The following HECTD2 variants were observed in gnomAD, a reference collection of about 807,000 sequenced individuals.
The protein encoded by HECTD2 is probable E3 ubiquitin-protein ligase HECTD2.
In HECTD2, 35 loss-of-function variants were observed where a neutral mutation model predicts 103.2. That is an observed-to-expected ratio of 0.34 (90% CI 0.26 to 0.45). The LOEUF (loss-of-function observed/expected upper bound fraction) is 0.45, where lower values mean the gene tolerates loss of function less well. Among genes scored for constraint, HECTD2 ranks in the 20% least tolerant of loss-of-function variants. The pLI, the probability that HECTD2 is intolerant of heterozygous loss-of-function variation, is 1.00. For missense variants in HECTD2, 596 were observed against 937.4 expected (o/e 0.64, Z 4.76); for synonymous variants, 281 against 329.9 (o/e 0.85, Z 1.61).
intron 2 of HECTD2, among the ~76,000 whole-genome samples, chr10:91,456,578 T>C (rs888591132): frequency 6.6e-6 from 1 of 152,170 alleles, no homozygotes; most frequent in African/African-American, 2.4e-5. Context: ...TTCTTTCTCC[T>C]GCCTGATTGC....
At position 91,513,488 on chromosome 10, in the gene HECTD2, A is replaced by ATAAT. The variant is rs1847503714; in HGVS notation, c.*1105_*1108dup. On this transcript the variant is annotated 3_prime_UTR_variant, in exon 21 of 21. Coordinates refer to ENST00000298068, the MANE Select transcript of HECTD2 (RefSeq NM_182765.6). ...GTTTGTTTTTCACTGGATTCTGAAT[A>ATAAT]TAATAAATTCAAAGTACCCTTTTTT... is the stretch of plus-strand genomic sequence containing the variant. The ATAAT allele has an allele frequency of 6.6e-6, 1 of 152,632 alleles. No individual in the cohort carries two copies. The highest frequency in any genetic ancestry group is 1.5e-5 in the Non-Finnish European group (1 of 68,036). 9.5% of individuals were successfully genotyped at this position (152,632 alleles called of 1,614,324 possible).
At chr10:91,497,164 C>T (rs1384343449) in intron 15 of HECTD2, among the ~76,000 whole-genome samples, 10 of 111,580 alleles carry the variant, frequency 9.0e-5, no homozygotes, top group Admixed American at 4.2e-4. Context: ...TTAGCAGAGA[C>T]GGGGTTTTGC....
intron 15 of HECTD2, 34 bp from the exon 16 acceptor site, chr10:91,498,074 A>G (rs761177607): frequency 1.4e-6 from 2 of 1,417,658 alleles, no homozygotes; most frequent in Non-Finnish European, 2.0e-6. Context: ...ATGCTATTCT[A>G]TTGAAAAAAT....
At chr10:91,485,363 T>A in intron 10 of HECTD2, 60 bp downstream of exon 10, 1 of 1,317,676 alleles carries the variant, frequency 7.6e-7, no homozygotes, top group Non-Finnish European at 1.0e-6. Flanking sequence ...AAAGAATGAC[T>A]AGAGTTTAAG....
At chr10:91,470,838 G>T (rs1845698666) in intron 5 of HECTD2, among the ~76,000 whole-genome samples, 1 of 151,998 alleles carries the variant, frequency 6.6e-6, no homozygotes, top group Admixed American at 6.5e-5. Context: ...ATTCACGGCC[G>T]AATTCTACCA....
At chr10:91,482,282 A>G (rs1846115888) in intron 7 of HECTD2, among the ~76,000 whole-genome samples, 1 of 152,004 alleles carries the variant, frequency 6.6e-6, no homozygotes, top group South Asian at 2.1e-4. Context: ...GTTTTTTTCA[A>G]TAATATTTAT....
intron 1 of HECTD2, among the ~76,000 whole-genome samples, chr10:91,414,413 C>T (rs1394386557): frequency 6.6e-6 from 1 of 152,132 alleles, no homozygotes; most frequent in African/African-American, 2.4e-5. Context: ...GATGGAGTCC[C>T]TGGGACAAAA....
intron 2 of HECTD2, among the ~76,000 whole-genome samples, chr10:91,454,299 G>C (rs1367133865): frequency 6.6e-6 from 1 of 152,074 alleles, no homozygotes; most frequent in East Asian, 1.9e-4. Context: ...AAATTTTGAA[G>C]AATTGAGATA....
intron 14 of HECTD2, among the ~76,000 whole-genome samples, chr10:91,495,901 A>C (rs941242515): frequency 1.3e-5 from 2 of 152,146 alleles, no homozygotes; most frequent in Non-Finnish European, 2.9e-5. Flanking sequence ...AAATTTAGAA[A>C]ATGTTTTCTG....
At chr10:91,463,725 T>C (rs906313601) in intron 5 of HECTD2, 2 of 152,182 alleles carry the variant, frequency 1.3e-5, no homozygotes, top group Non-Finnish European at 2.9e-5. Context: ...TCCTTTGTCA[T>C]TGGAGAAATG....
Position 91,436,721 on chromosome 10 carries a change from C to T in HECTD2, c.268+11311C>T, listed in dbSNP as rs181198298. 1.1e-3 allele frequency among the ~76,000 whole-genome samples: 168 copies of T among 152,068 alleles called. 3 individuals are homozygous for T. The highest frequency in any genetic ancestry group is 0.01 in the Admixed American group (156 of 15,238). On this transcript the variant is annotated intron_variant, in intron 2 of 20. Coordinates refer to ENST00000298068, the MANE Select transcript of HECTD2 (RefSeq NM_182765.6). ...CCATAGTTCTTATTTTTGCCTTCCC[C>T]GTTATATTCCCAGTTCCTGATTCTG...
chr10:91,453,604 A>G (rs1310352353), intron 2 of HECTD2, among the ~76,000 whole-genome samples: 1 of 152,178 alleles, frequency 6.6e-6, no homozygotes, highest in African/African-American at 2.4e-5. Flanking sequence ...GAATTCTAAA[A>G]CATGTTTAAC....
chr10:91,476,556 G>C (rs1305298279), intron 5 of HECTD2, among the ~76,000 whole-genome samples: 1 of 152,220 alleles, frequency 6.6e-6, no homozygotes, highest in East Asian at 1.9e-4. Flanking sequence ...GGACAGAACA[G>C]AGGCCAGAGC....
intron 2 of HECTD2, among the ~76,000 whole-genome samples, chr10:91,445,735 C>T (rs1461368949): frequency 6.6e-6 from 1 of 152,042 alleles, no homozygotes; most frequent in East Asian, 1.9e-4. Flanking sequence ...CTGTGGGGGG[C>T]AAGCTGAAGC....
chr10:91,513,611 G>C lies in HECTD2; in HGVS notation c.*1227G>C, dbSNP rs1031861694. On this transcript the variant is annotated 3_prime_UTR_variant, in exon 21 of 21. Coordinates refer to ENST00000298068, the MANE Select transcript of HECTD2 (RefSeq NM_182765.6). ...TACAGCAAATGAAGCAGTTTTATTA[G>C]CATGTTACAAATATTGCCAAACCAA... is the stretch of plus-strand genomic sequence containing the variant. 1 of 152,424 alleles carries C rather than the reference G, an allele frequency of 6.6e-6. No individual in the cohort carries two copies. Among genetic ancestry groups the C allele is most frequent in the African/African-American group, 2.4e-5 (1 of 41,390 alleles). 9.4% of individuals were successfully genotyped at this position (152,424 alleles called of 1,614,324 possible).
chr10:91,500,113 A>G (rs1846839035), intron 18 of HECTD2, among the ~76,000 whole-genome samples: 1 of 152,182 alleles, frequency 6.6e-6, no homozygotes, highest in South Asian at 2.1e-4. Flanking sequence ...AAGACAGACT[A>G]TAACCAAGTG....
chr10:91,502,465 T>G (rs947060966), intron 20 of HECTD2, among the ~76,000 whole-genome samples: 1 of 152,222 alleles, frequency 6.6e-6, no homozygotes, highest in Admixed American at 6.5e-5. Context: ...TATATCTGAG[T>G]CATTTAGTTC....
intron 2 of HECTD2, 61 bp downstream of exon 2, chr10:91,425,471 G>T (rs989255505): frequency 1.5e-5 from 19 of 1,240,480 alleles, no homozygotes; most frequent in Non-Finnish European, 2.1e-5. Context: ...TTTAAAAGTA[G>T]ACATTAATTA....
At chr10:91,507,653 T>G (rs1847244428) in intron 20 of HECTD2, among the ~76,000 whole-genome samples, 1 of 148,176 alleles carries the variant, frequency 6.7e-6, no homozygotes, top group Non-Finnish European at 1.5e-5. Flanking sequence ...CATTCCATGC[T>G]CATGGGTAGG....
Sources: allele counts gnomAD v4.1 joint callset (sites outside exome capture counted in the v4.1 genomes callset), GRCh38; gene constraint gnomAD v4.1.1; transcripts MANE v1.5; gene names NCBI Gene and HGNC (gene_info 2026-07-23, HGNC 2026-07-21).